ZFHX3: variants seen among roughly 807,000 people sequenced by gnomAD.
The protein encoded by ZFHX3 is zinc finger homeobox 3.
A neutral mutation model predicts 279.1 loss-of-function variants in ZFHX3; 42 were observed. The ratio of observed to expected loss-of-function variants is 0.15; its 90% CI spans 0.12 to 0.19. The LOEUF is 0.19. Among genes scored for constraint, ZFHX3 ranks in the 10% least tolerant of loss-of-function variants. ZFHX3 has a pLI of 1.00. For synonymous variants in ZFHX3, 2,293 were observed against 1,957.8 expected (o/e 1.17, Z -4.52); for missense variants, 4,981 against 4,754.0 (o/e 1.05, Z -1.40).
At chr16:73,044,852 C>G (rs1358005006) in intron 1 of ZFHX3, among the ~76,000 whole-genome samples, 1 of 152,170 alleles carries the variant, frequency 6.6e-6, no homozygotes, top group Non-Finnish European at 1.5e-5. Context: ...AACTCCCAAC[C>G]TCAAGTGATC....
intron 2 of ZFHX3, among the ~76,000 whole-genome samples, chr16:73,463,220 A>G (rs1202504248): frequency 6.6e-6 from 1 of 152,256 alleles, no homozygotes; most frequent in Non-Finnish European, 1.5e-5. Context: ...TACTTAAAAC[A>G]TGCCAAGCAC....
At chr16:73,029,763 T>G (rs1180341560) in intron 1 of ZFHX3, among the ~76,000 whole-genome samples, 3 of 152,198 alleles carry the variant, frequency 2.0e-5, no homozygotes, top group African/African-American at 7.2e-5. Flanking sequence ...TTGTCATTAC[T>G]CAACTTCATG....
At chr16:73,062,472 TATAAC>T, upstream of ZFHX3, among the ~76,000 whole-genome samples, 1 of 152,278 alleles carries the variant, frequency 6.6e-6, no homozygotes, top group South Asian at 2.1e-4. Flanking sequence ...TCTTTGCAAA[TATAAC>T]ATAAAAAGGT....
chr16:73,124,559 GA>G (rs1266110252), intron 7 of ZFHX3, among the ~76,000 whole-genome samples: 1 of 152,192 alleles, frequency 6.6e-6, no homozygotes, highest in Admixed American at 6.5e-5. Flanking sequence ...TATAATCCTG[GA>G]CACGTTTGAT....
intron 1 of ZFHX3, among the ~76,000 whole-genome samples, chr16:73,849,947 C>A (rs1351076307): frequency 6.6e-6 from 1 of 152,058 alleles, no homozygotes; most frequent in East Asian, 1.9e-4. Context: ...TGGTCAGGCT[C>A]GTCTCAAATT....
chr16:73,266,065 A>G (rs2013964428), intron 4 of ZFHX3, among the ~76,000 whole-genome samples: 1 of 152,202 alleles, frequency 6.6e-6, no homozygotes, highest in African/African-American at 2.4e-5. Flanking sequence ...CTTTACAGCA[A>G]AGGGACTGAA....
intron 4 of ZFHX3, among the ~76,000 whole-genome samples, chr16:72,881,458 T>A (rs1395274344): frequency 6.6e-6 from 1 of 152,180 alleles, no homozygotes; most frequent in African/African-American, 2.4e-5. Flanking sequence ...CATCTGTGAC[T>A]CTGAGAAAAA....
chr16:73,057,161 G>C (rs576784908), intron 1 of ZFHX3, among the ~76,000 whole-genome samples: 19 of 152,290 alleles, frequency 1.2e-4, no homozygotes, highest in African/African-American at 4.3e-4. Context: ...TACCCTACTT[G>C]AAAGCAACAA....
chr16:73,146,967 A>T (rs1966866372), intron 5 of ZFHX3, among the ~76,000 whole-genome samples: 1 of 152,160 alleles, frequency 6.6e-6, no homozygotes, highest in African/African-American at 2.4e-5. Context: ...TGGTAGTACT[A>T]GTTCTTAAGC....
chr16:73,698,925 G>C (rs944601798), intron 1 of ZFHX3, among the ~76,000 whole-genome samples: 1 of 152,124 alleles, frequency 6.6e-6, no homozygotes, highest in Admixed American at 6.6e-5. Context: ...TTCCTCTGTA[G>C]CCAGGCTGGA....
intron 1 of ZFHX3, among the ~76,000 whole-genome samples, chr16:73,864,357 A>T (rs1343340324): frequency 1.3e-5 from 2 of 152,228 alleles, no homozygotes; most frequent in African/African-American, 4.8e-5. Flanking sequence ...ACTATGCTAA[A>T]TGCCAAAGAT....
At chr16:73,264,483 C>T (rs940895727) in intron 4 of ZFHX3, among the ~76,000 whole-genome samples, 3 of 152,144 alleles carry the variant, frequency 2.0e-5, no homozygotes, top group Admixed American at 2.0e-4. Context: ...CTGATGAATG[C>T]CCCAAGATTT....
At chr16:73,574,628 T>C (rs1436592906) in intron 2 of ZFHX3, among the ~76,000 whole-genome samples, 1 of 152,180 alleles carries the variant, frequency 6.6e-6, no homozygotes, top group Non-Finnish European at 1.5e-5. Context: ...GTGAAGGGAT[T>C]CCTAACACAG....
At chr16:73,166,531 A>G (rs1395503324) in intron 5 of ZFHX3, among the ~76,000 whole-genome samples, 1 of 152,014 alleles carries the variant, frequency 6.6e-6, no homozygotes, top group Non-Finnish European at 1.5e-5. Flanking sequence ...ATGGAAAGAG[A>G]GAAGCAAGGA....
intron 2 of ZFHX3, among the ~76,000 whole-genome samples, chr16:73,591,376 AC>A (rs1407679582): frequency 8.0e-5 from 12 of 150,054 alleles, no homozygotes; most frequent in Admixed American, 3.3e-4. Context: ...AAACAAACAA[AC>A]AAACAAACAA....
intron 2 of ZFHX3, among the ~76,000 whole-genome samples, chr16:73,496,261 C>A (rs985265811): frequency 6.6e-6 from 1 of 152,176 alleles, no homozygotes; most frequent in African/African-American, 2.4e-5. Flanking sequence ...CCGGGCGTGG[C>A]GGCTCACGCC....
intron 1 of ZFHX3, among the ~76,000 whole-genome samples, chr16:73,854,600 C>T (rs9921133): frequency 0.029 from 4,412 of 151,730 alleles, 217 homozygotes; most frequent in African/African-American, 0.1. Context: ...TAGAATTAGA[C>T]TATGAATTGA....
chr16:73,627,494 C>G (rs945524051), intron 2 of ZFHX3, among the ~76,000 whole-genome samples: 1 of 152,178 alleles, frequency 6.6e-6, no homozygotes, highest in Non-Finnish European at 1.5e-5. Flanking sequence ...TCAAGAGAAA[C>G]CTGCTTTTTA....
At chr16:73,569,649 C>A (rs1297857858) in intron 2 of ZFHX3, among the ~76,000 whole-genome samples, 1 of 152,218 alleles carries the variant, frequency 6.6e-6, no homozygotes, top group African/African-American at 2.4e-5. Context: ...CTCTTGAGTA[C>A]TTCCATGCAT....
Sources: allele counts gnomAD v4.1 joint callset (sites outside exome capture counted in the v4.1 genomes callset), GRCh38; gene constraint gnomAD v4.1.1; transcripts MANE v1.5; gene names NCBI Gene and HGNC (gene_info 2026-07-23, HGNC 2026-07-21).